Variants in DCTN1 observed in about 807,000 individuals in gnomAD.
The protein encoded by DCTN1 is 150 kDa dynein-associated polypeptide.
DCTN1 carries 61 observed loss-of-function variants against 161.2 expected under a neutral mutation model. The observed-to-expected ratio is 0.38, with a 90% CI of 0.31 to 0.47. The LOEUF (loss-of-function observed/expected upper bound fraction) is 0.47, where lower values mean the gene tolerates loss of function less well. DCTN1 is among the 20% of genes least tolerant of loss of function. The pLI is 0.99. For missense variants in DCTN1, 1,404 were observed against 1,623.7 expected, an observed-to-expected ratio of 0.86 and a Z score of 2.33; for synonymous variants, 653 against 632.4, an observed-to-expected ratio of 1.03 and a Z score of -0.49.
chr2:74,367,002 TAAGA>T (rs1206019834), intron 20 of DCTN1, 39 bp downstream of exon 20: 2 of 1,614,002 alleles, frequency 1.2e-6, no homozygotes, highest in African/African-American at 2.7e-5. Context: ...AAGTGAGGAC[TAAGA>T]AAGAAGAGGA....
At chr2:74,371,851 G>A in intron 7 of DCTN1, 123 bp from the exon 8 acceptor site, 1 of 776,670 alleles carries the variant, frequency 1.3e-6, no homozygotes, top group Non-Finnish European at 2.1e-6. Context: ...AGCAGAAAGA[G>A]AGTATCAAAG....
At chr2:74,366,425 TC>T in intron 22 of DCTN1, 33 bp downstream of exon 22, 2 of 1,614,072 alleles carry the variant, frequency 1.2e-6, no homozygotes, top group Non-Finnish European at 1.7e-6. Flanking sequence ...TCACTAACTC[TC>T]CCCACACCTT....
rs967498828 is a variant in DCTN1 at position 74,371,364 on chromosome 2, G to A, written c.645+173C>T. 7.4e-6 allele frequency: 10 copies of A among 1,356,724 alleles called. No individual in the cohort carries two copies. The African/African-American group carries it at 1.3e-4, about 18-fold the overall frequency. The allele number at this position is 1,356,724 out of a possible 1,614,324, so 84.0% of individuals were successfully genotyped here. A position where few individuals can be genotyped will look rare whatever the true frequency, so the allele number is the denominator to read the frequency against. Reference sequence around the variant, plus strand: ...TATATGGGGAAAGTATGGCATAAGGGCAAGAAAGGAAAGGATGGCTCAGTC... The same window carrying A: ...TATATGGGGAAAGTATGGCATAAGGACAAGAAAGGAAAGGATGGCTCAGTC... On this transcript the variant is annotated intron_variant, in intron 8 of 31. Transcript: ENST00000628224.
upstream of DCTN1, among the ~76,000 whole-genome samples, chr2:74,384,408 G>A (rs960690914): frequency 3.9e-4 from 59 of 152,288 alleles, no homozygotes; most frequent in African/African-American, 1.4e-3. Context: ...ACAATCCTGG[G>A]TTAATGTTAC....
intron 7 of DCTN1, chr2:74,371,987 A>G (rs1558944067): frequency 1.3e-5 from 6 of 479,462 alleles, no homozygotes; most frequent in Non-Finnish European, 2.3e-5. Context: ...AGAGAAAGAC[A>G]TAAGATTATA....
At chr2:74,382,093 C>G (rs1367052853), upstream of DCTN1, among the ~76,000 whole-genome samples, 4 of 152,164 alleles carry the variant, frequency 2.6e-5, no homozygotes, top group East Asian at 7.7e-4. Flanking sequence ...ACAGACATAT[C>G]TAGGCTTCCA....
intron 7 of DCTN1, 108 bp downstream of exon 7, chr2:74,372,820 A>G: frequency 8.8e-7 from 1 of 1,133,614 alleles, no homozygotes; most frequent in South Asian, 1.2e-5. Context: ...AACCCAGGAT[A>G]CACTATGACG....
intron 1 of DCTN1, among the ~76,000 whole-genome samples, chr2:74,386,354 G>T (rs1200942960): frequency 6.6e-6 from 1 of 152,144 alleles, no homozygotes; most frequent in Non-Finnish European, 1.5e-5. Context: ...TCCTCTTCTG[G>T]AAGAAAGGGA....
chr2:74,377,454 G>C lies in DCTN1; in HGVS notation c.371C>G (p.Thr124Arg), dbSNP rs769430160. 2.5e-6 allele frequency: 4 copies of C among 1,613,314 alleles called. No homozygotes were observed. Among genetic ancestry groups the C allele is most frequent in the East Asian group, 2.2e-5 (1 of 44,886 alleles). ...SKVLKREGTD[T>R]TAKTSKLRGL... ...CACCAGTTTGCTAGTCTTTGCAGTT[G>C]TATCAGTTCCCTCTGTAGAAAGCAA... The change falls in exon 4 of 32, where the codon ACA becomes AGA. Residue 124 changes from threonine to arginine, a missense_variant. By Grantham distance (71) the Thr-to-Arg change is moderately conservative. Transcript: ENST00000628224.
Position 74,370,355 on chromosome 2 carries a change from T to A in DCTN1, c.1128-10A>T, listed in dbSNP as rs772494035. On this transcript the variant is annotated splice_polypyrimidine_tract_variant and intron_variant, in intron 11 of 31. Transcript: ENST00000628224. This position sits in a 1 kb window ranked among gnomAD's most constrained non-coding sequence, Gnocchi z 4.4. ...AGAAAGATCCCGCATCCTGCAGGGATGTGAGGAAGGCAGAAGGAGGAAAGC... is the reference window on the plus strand; with the variant it reads ...AGAAAGATCCCGCATCCTGCAGGGAAGTGAGGAAGGCAGAAGGAGGAAAGC... The A allele has an allele frequency of 6.2e-7, 1 of 1,613,996 alleles. No homozygotes were observed. The highest frequency in any genetic ancestry group is 1.1e-5 in the South Asian group (1 of 91,082).
chr2:74,363,660 A>G (rs1487201278), intron 26 of DCTN1, 32 bp from the exon 27 acceptor site: 1 of 1,612,898 alleles, frequency 6.2e-7, no homozygotes, highest in Non-Finnish European at 8.5e-7. Context: ...GGGGAGCAGG[A>G]AAAGAGGAGA....
chr2:74,387,517 G>C (rs77455949), intron 1 of DCTN1, among the ~76,000 whole-genome samples: 1 of 152,122 alleles, frequency 6.6e-6, no homozygotes. Context: ...ACAAAAAAAA[G>C]TTCTTCTTCT....
At position 74,366,364 on chromosome 2, in the gene DCTN1, G is replaced by A. The variant is rs1453065894; in HGVS notation, c.2640C>T (p.Thr880=). ...GACACTCATAGGGGCTGCTGGAGGG[G>A]GTCCCATAGATCTGCAGGAGCCAAG... ...AFKASEQIYG[T]PSSSPYECLR... The change falls in exon 23 of 32, where the codon ACC becomes ACT. Residue 880 remains threonine (T), a synonymous_variant. Transcript: ENST00000628224. 5 of 1,614,068 alleles carry A rather than the reference G, an allele frequency of 3.1e-6. No individual in the cohort carries two copies. The highest frequency in any genetic ancestry group is 1.3e-5 in the African/African-American group (1 of 74,922).
chr2:74,383,986 G>T (rs1015822140), upstream of DCTN1, among the ~76,000 whole-genome samples: 42 of 152,148 alleles, frequency 2.8e-4, no homozygotes, highest in Non-Finnish European at 5.9e-5. Context: ...ATGCTGCAAG[G>T]ATAAATAGAT....
chr2:74,389,893 G>A (rs374597564), intron 1 of DCTN1, among the ~76,000 whole-genome samples: 4 of 151,938 alleles, frequency 2.6e-5, no homozygotes, highest in African/African-American at 4.8e-5. Context: ...ATCCAGCTCC[G>A]TCTCCCCCTC....
In DCTN1 at chr2:74,370,856, C is replaced by G. The variant is rs995293657; in HGVS notation, c.844-31G>C. On this transcript the variant is annotated intron_variant, in intron 9 of 31. Coordinates refer to ENST00000628224, the MANE Select transcript of DCTN1 (RefSeq NM_004082.5). The surrounding 1 kb of genome is among the most constrained non-coding windows in gnomAD (Gnocchi z 4.4). ...GAAGAAGTGGAGGTGGGAGGGGGTA[C>G]CAGCACAGAGATGCCCCAGGCCTTT... The G allele has an allele frequency of 6.2e-7, 1 of 1,613,792 alleles. No individual in the cohort carries two copies. Among genetic ancestry groups the G allele is most frequent in the South Asian group, 1.1e-5 (1 of 91,074 alleles).
rs775022141 is a variant in DCTN1, at chr2:74,363,343, G to A, written c.3296C>T (p.Ala1099Val). The A allele has an allele frequency of 1.7e-5, 27 of 1,612,952 alleles. No individual in the cohort carries two copies. Among genetic ancestry groups the A allele is most frequent in the Non-Finnish European group, 2.0e-5 (24 of 1,179,572 alleles). The change falls in exon 28 of 32, where the codon GCC becomes GTC. Residue 1099 changes from alanine to valine, a missense_variant. By Grantham distance (64) the Ala-to-Val change is moderately conservative. Transcript: ENST00000628224. ...DSPLLLQQIS[A>V]MRLHISQLQH... is the part of the protein sequence containing the mutation. Reference sequence around the variant, plus strand: ...GAGCTGGGAGATGTGCAGCCTCATGGCAGAGATCTGCTGAAGCAGCAGTGG... The same window carrying A: ...GAGCTGGGAGATGTGCAGCCTCATGACAGAGATCTGCTGAAGCAGCAGTGG...
intron 6 of DCTN1, among the ~76,000 whole-genome samples, chr2:74,373,779 G>A (rs1470512423): frequency 6.6e-6 from 1 of 152,220 alleles, no homozygotes; most frequent in East Asian, 1.9e-4. Flanking sequence ...TTTGGCTTGG[G>A]CCCTATTTCC....
chr2:74,370,920 C>A lies in DCTN1; in HGVS notation c.843+59G>T. The A allele has an allele frequency of 4.3e-6, 7 of 1,613,336 alleles. No individual in the cohort carries two copies. The highest frequency in any genetic ancestry group is 5.1e-6 in the Non-Finnish European group (6 of 1,180,002). On this transcript the variant is annotated intron_variant, in intron 9 of 31. Transcript: ENST00000628224. The surrounding 1 kb of genome is among the most constrained non-coding windows in gnomAD (Gnocchi z 4.4). Reference sequence around the variant, plus strand: ...CCAGGCTCCAGCTCCAGTCTAGTTTCCAGCATGCTTCCTTAGGTCTCAGGC... The same window carrying A: ...CCAGGCTCCAGCTCCAGTCTAGTTTACAGCATGCTTCCTTAGGTCTCAGGC...
Sources: allele counts gnomAD v4.1 joint callset (sites outside exome capture counted in the v4.1 genomes callset), GRCh38; gene constraint gnomAD v4.1.1; non-coding constraint Gnocchi (gnomAD v3.1); transcripts MANE v1.5; gene names NCBI Gene and HGNC (gene_info 2026-07-23, HGNC 2026-07-21).